Variants in DOCK4 observed in about 807,000 individuals in gnomAD.
DOCK4 encodes dedicator of cytokinesis protein 4.
In DOCK4, 97 loss-of-function variants were observed where a neutral mutation model predicts 268.1. That is an observed-to-expected ratio of 0.36 (90% CI 0.31 to 0.43). The LOEUF (loss-of-function observed/expected upper bound fraction) is 0.43. DOCK4 is among the 20% of genes least tolerant of loss of function. The pLI is 1.00. For synonymous variants in DOCK4, 954 were observed against 887.2 expected (o/e 1.08, Z -1.34); for missense variants, 2,145 against 2,455.7 (o/e 0.87, Z 2.67).
intron 8 of DOCK4, among the ~76,000 whole-genome samples, chr7:111,963,256 C>A (rs1030270654): frequency 6.6e-6 from 1 of 151,078 alleles, no homozygotes; most frequent in Non-Finnish European, 1.5e-5. Flanking sequence ...GCGTGAGCGA[C>A]GCAGAAGACA....
Position 112,094,744 on chromosome 7 carries a change from G to A in DOCK4, c.38-90613C>T, listed in dbSNP as rs551638351. ...GAATTGTAACTCCCCAGTGTTGGAG[G>A]TGGGGCCTGGTGGTAGTTGTATGGG... On this transcript the variant is annotated intron_variant, in intron 1 of 52. Transcript: ENST00000428084. 6.6e-5 allele frequency among the ~76,000 whole-genome samples: 10 copies of A among 152,282 alleles called. No homozygotes were observed. In the South Asian group the frequency reaches 1.9e-3, roughly 28 times the overall value.
At chr7:111,766,346 T>C (rs1304388237) in intron 38 of DOCK4, among the ~76,000 whole-genome samples, 4 of 152,220 alleles carry the variant, frequency 2.6e-5, no homozygotes, top group African/African-American at 2.4e-5. Flanking sequence ...GTACTCTTTT[T>C]TTTAATGTAT....
At chr7:111,939,056 T>C (rs1794987467) in intron 11 of DOCK4, among the ~76,000 whole-genome samples, 1 of 149,996 alleles carries the variant, frequency 6.7e-6, no homozygotes, top group Non-Finnish European at 1.5e-5. Flanking sequence ...AAGGCAGAGA[T>C]CAGAGTGACG....
chr7:111,946,278 A>C (rs1402236588), intron 8 of DOCK4, among the ~76,000 whole-genome samples: 1 of 152,224 alleles, frequency 6.6e-6, no homozygotes, highest in African/African-American at 2.4e-5. Context: ...ACACAAGTAG[A>C]GATTTCAAAA....
chr7:111,754,820 G>A (rs1341037252), intron 42 of DOCK4, among the ~76,000 whole-genome samples: 4 of 152,180 alleles, frequency 2.6e-5, no homozygotes, highest in Non-Finnish European at 1.5e-5. Context: ...TGGTTACCAG[G>A]TTCTACAGTG....
At chr7:111,764,643 A>G (rs1290458454) in intron 39 of DOCK4, among the ~76,000 whole-genome samples, 2 of 152,170 alleles carry the variant, frequency 1.3e-5, no homozygotes, top group Admixed American at 1.3e-4. Flanking sequence ...AGTTTATACT[A>G]GCAATAAATT....
rs10257550 is a variant in DOCK4, at chr7:111,872,533, G to A, written c.1776C>T (p.Thr592=). The A allele has an allele frequency of 0.066, 105,065 of 1,600,586 alleles. 4,005 individuals carry two copies. The highest frequency in any genetic ancestry group is 0.11 in the South Asian group (10,109 of 88,368). ...GDMLDLLKWR[T]HPDKITGCLS... ...GACAGCCAGTGATCTTGTCTGGGTG[G>A]GTTCTCCATTTCAAAAGATCAAGCA... The change falls in exon 18 of 53, where the codon ACC becomes ACT. Residue 592 remains threonine, a synonymous_variant. Transcript: ENST00000428084.
At chr7:111,956,318 CATAA>C (rs765639394) in intron 8 of DOCK4, among the ~76,000 whole-genome samples, 17 of 152,118 alleles carry the variant, frequency 1.1e-4, no homozygotes, top group Non-Finnish European at 2.2e-4. Context: ...GCAGAAAAGC[CATAA>C]ATAAACACAG....
In DOCK4 at chr7:111,728,216, C is replaced by T; in HGVS notation, c.*58G>A. On this transcript the variant is annotated 3_prime_UTR_variant, in exon 53 of 53. Coordinates refer to ENST00000428084, the MANE Select transcript of DOCK4 (RefSeq NM_001363540.2). The stretch of plus-strand genomic sequence containing the variant: ...GTGCCTACACTAAATGTCTTCTCAT[C>T]ATACTTCTTATTTTGTAAACGGGCA... 6 of 1,338,890 alleles carry T rather than the reference C, an allele frequency of 4.5e-6. No individual in the cohort carries two copies. Among genetic ancestry groups the T allele is most frequent in the Non-Finnish European group, 5.9e-6 (6 of 1,019,706 alleles). The allele number at this position is 1,338,890 out of a possible 1,614,324, so 82.9% of individuals were successfully genotyped here. A position where few individuals can be genotyped will look rare whatever the true frequency, so the allele number is the denominator to read the frequency against.
chr7:111,757,173 G>A (rs928773227), intron 41 of DOCK4, among the ~76,000 whole-genome samples: 8 of 152,060 alleles, frequency 5.3e-5, no homozygotes, highest in African/African-American at 1.9e-4. Context: ...GCTTCTGGAG[G>A]GCAGTTTGGA....
intron 31 of DOCK4, chr7:111,788,989 T>C: frequency 1.8e-6 from 1 of 540,940 alleles, no homozygotes; most frequent in Non-Finnish European, 3.3e-6. Context: ...ATCTATCTAT[T>C]TGTTGATTCA....
At chr7:111,938,230 TA>T (rs886464875) in intron 11 of DOCK4, among the ~76,000 whole-genome samples, 1 of 152,202 alleles carries the variant, frequency 6.6e-6, no homozygotes, top group Non-Finnish European at 1.5e-5. Flanking sequence ...AGACTATAGA[TA>T]AATCTTTGTC....
At position 111,940,151 on chromosome 7, in the gene DOCK4, T is replaced by C. The variant is rs780441533; in HGVS notation, c.936A>G (p.Leu312=). 3 of 1,613,908 alleles carry C rather than the reference T, an allele frequency of 1.9e-6. No homozygotes were observed. Among genetic ancestry groups the C allele is most frequent in the African/African-American group, 2.7e-5 (2 of 74,926 alleles). Residue 312 remains leucine (L), a synonymous_variant, in exon 11 of 53, where the codon CTA becomes CTG. Coordinates refer to ENST00000428084, the MANE Select transcript of DOCK4 (RefSeq NM_001363540.2). ...TGAGGTCATCCTTTGTCTCTCCTGT[T>C]AGCAGGTCAGCGATGCTAAGAACTG... is the stretch of plus-strand genomic sequence containing the variant. ...GCAVLSIADL[L]TGETKDDLIL... is the part of the protein sequence containing the mutation.
At chr7:111,869,490 G>C in intron 21 of DOCK4, 84 bp downstream of exon 21, 1 of 1,182,070 alleles carries the variant, frequency 8.5e-7, no homozygotes, top group Non-Finnish European at 1.3e-6. Flanking sequence ...ACCCATTACT[G>C]TCTGTGTAGA....
chr7:111,872,752 C>T (rs1806527980), intron 17 of DOCK4, among the ~76,000 whole-genome samples, 188 bp from the exon 18 acceptor site: 1 of 152,172 alleles, frequency 6.6e-6, no homozygotes, highest in African/African-American at 2.4e-5. Flanking sequence ...TATTCTGTTT[C>T]CTCTCCACTG....
rs114178474 is a variant in DOCK4, at chr7:112,109,521, T to A, written c.37+96581A>T. On this transcript the variant is annotated intron_variant, in intron 1 of 52. Coordinates refer to ENST00000428084, the MANE Select transcript of DOCK4 (RefSeq NM_001363540.2). ...ACATAAATGCAACTAGCTTTCATGA[T>A]AGAAACTCCTGGGCTACCTGCTCTC... Among the ~76,000 whole-genome samples, 230 of 152,328 alleles carry A rather than the reference T, an allele frequency of 1.5e-3. 1 individual carries two copies. Among genetic ancestry groups the A allele is most frequent in the African/African-American group, 5.3e-3 (222 of 41,586 alleles).
intron 8 of DOCK4, among the ~76,000 whole-genome samples, chr7:111,952,879 A>G (rs951946282): frequency 6.6e-6 from 1 of 152,188 alleles, no homozygotes; most frequent in African/African-American, 2.4e-5. Context: ...AAACAAAAAC[A>G]AAAACAAAAA....
intron 16 of DOCK4, among the ~76,000 whole-genome samples, chr7:111,878,646 A>T (rs1807116928): frequency 6.6e-6 from 1 of 152,164 alleles, no homozygotes; most frequent in South Asian, 2.1e-4. Flanking sequence ...TGGAGAAAGA[A>T]TCTGTGCAAG....
chr7:111,778,596 T>C (rs1467812428), intron 35 of DOCK4, among the ~76,000 whole-genome samples: 21 of 152,236 alleles, frequency 1.4e-4, no homozygotes, highest in Admixed American at 1.4e-3. Flanking sequence ...TTCACATTTC[T>C]TTACTTTTTA....
Sources: gnomAD v4.1 joint callset for allele counts (sites outside exome capture counted in the v4.1 genomes callset) on GRCh38, gnomAD v4.1.1 for gene constraint, MANE v1.5 for transcripts, NCBI Gene and HGNC (gene_info 2026-07-23, HGNC 2026-07-21) for gene names.